ZNF638: variants seen among roughly 807,000 people sequenced by gnomAD.
ZNF638 encodes CTCL tumor antigen se33-1.
A neutral mutation model predicts 195.6 loss-of-function variants in ZNF638; 46 were observed. The observed-to-expected ratio is 0.24, with a 90% CI of 0.19 to 0.30. The LOEUF (loss-of-function observed/expected upper bound fraction) is 0.30, where lower values mean the gene tolerates loss of function less well. ZNF638 is among the 10% of genes least tolerant of loss of function. The probability of loss-of-function intolerance (pLI) is 1.00; values close to 1 mark genes in which losing one functional copy is unlikely to be tolerated. For synonymous variants in ZNF638, 845 were observed against 772.0 expected, an observed-to-expected ratio of 1.09 and a Z score of -1.57; for missense variants, 2,440 against 2,325.3, an observed-to-expected ratio of 1.05 and a Z score of -1.01.
chr2:71,373,400 C>T (rs923175106), intron 8 of ZNF638, among the ~76,000 whole-genome samples: 4 of 125,950 alleles, frequency 3.2e-5, no homozygotes, highest in Non-Finnish European at 6.7e-5. Context: ...TTCTTACAGT[C>T]TGTTGCTTGT....
chr2:71,364,093 A>T lies in ZNF638; in HGVS notation c.1558A>T (p.Ser520Cys), dbSNP rs1573052548. Reference protein sequence around the residue: ...SPMHYMYRPRSRSPRICHRFI... With the variant: ...SPMHYMYRPRCRSPRICHRFI... ...AATGCATTACATGTATAGGCCGAGA[A>T]GTCGAAGTCCAAGAATTTGCCATCG... Residue 520 changes from serine (S) to cysteine (C), a missense_variant, in exon 5 of 28, where the codon AGT (serine) becomes TGT (cysteine). Ser to Cys is a moderately radical substitution (Grantham distance 112). Coordinates refer to ENST00000264447, the MANE Select transcript of ZNF638 (RefSeq NM_014497.5). 6 of 1,614,210 alleles carry T rather than the reference A, an allele frequency of 3.7e-6. No individual in the cohort carries two copies. The East Asian group carries it at 8.9e-5, about 24-fold the overall frequency.
intron 10 of ZNF638, chr2:71,393,286 CAT>C: frequency 1.6e-6 from 1 of 625,166 alleles, no homozygotes; most frequent in East Asian, 2.8e-5. Context: ...CCTCTCAAGA[CAT>C]AAAACCCGCA....
Position 71,422,869 on chromosome 2 carries a change from A to G in ZNF638, c.3355A>G (p.Ser1119Gly), listed in dbSNP as rs1446046620. 4 of 1,614,070 alleles carry G rather than the reference A, an allele frequency of 2.5e-6. No homozygotes were observed. In the Admixed American group the frequency reaches 6.7e-5, roughly 27 times the overall value. The change falls in exon 22 of 28, where the codon AGT (serine) becomes GGT (glycine). Residue 1119 changes from serine (S) to glycine (G), a missense_variant. By Grantham distance (56) the Ser-to-Gly change is moderately conservative (BLOSUM62 0). This residue lies in a region of ZNF638 where 1,883 missense variants were observed against 1,739.1 expected (regional missense o/e 1.08). Coordinates refer to ENST00000264447, the MANE Select transcript of ZNF638 (RefSeq NM_014497.5). ...DESEVQTATD[S>G]PSVKPNELEE... ...AAGTGAGGTGCAAACAGCAACTGAT[A>G]GTCCCTCTGTTAAACCTAATGAGCT...
At chr2:71,359,405 G>A (rs72911405) in intron 3 of ZNF638, among the ~76,000 whole-genome samples, 1,984 of 152,308 alleles carry the variant, frequency 0.013, 43 homozygotes, top group African/African-American at 0.046. Flanking sequence ...CCCGCTCTGA[G>A]GGAAGGAGGG....
At chr2:71,353,246 T>C (rs2104203654) in intron 2 of ZNF638, among the ~76,000 whole-genome samples, 1 of 152,362 alleles carries the variant, frequency 6.6e-6, no homozygotes, top group East Asian at 1.9e-4. Flanking sequence ...TGAAATGTAT[T>C]TGCTTGTTAA....
intron 10 of ZNF638, among the ~76,000 whole-genome samples, chr2:71,394,083 G>A (rs115312232): frequency 6.6e-6 from 1 of 152,156 alleles, no homozygotes; most frequent in Non-Finnish European, 1.5e-5. Flanking sequence ...TTCCACTTTG[G>A]TTGGGAGGTC....
At position 71,434,900 on chromosome 2, in the gene ZNF638, G is replaced by T; in HGVS notation, c.*93G>T. ...CATTTAATTTGTAATTTTCGTTTCA[G>T]AAGCAAATATTCGTGTTGTACAAAT... On this transcript the variant is annotated 3_prime_UTR_variant, in exon 28 of 28. Transcript: ENST00000264447. The T allele has an allele frequency of 3.5e-6, 4 of 1,135,546 alleles. No individual in the cohort carries two copies. The highest frequency in any genetic ancestry group is 5.0e-6 in the Non-Finnish European group (4 of 800,840). 70.3% of individuals were successfully genotyped at this position (1,135,546 alleles called of 1,614,324 possible).
chr2:71,390,632 G>A (rs559036170), intron 10 of ZNF638, among the ~76,000 whole-genome samples: 6 of 152,258 alleles, frequency 3.9e-5, no homozygotes, highest in East Asian at 3.9e-4. Flanking sequence ...CACGGGAGCC[G>A]TAGGAGTGTA....
chr2:71,389,758 A>G (rs981331405), intron 10 of ZNF638, among the ~76,000 whole-genome samples: 1 of 152,172 alleles, frequency 6.6e-6, no homozygotes, highest in Non-Finnish European at 1.5e-5. Flanking sequence ...CATTTTTTGA[A>G]TTTATCAATC....
At position 71,408,922 on chromosome 2, in the gene ZNF638, T is replaced by C. The variant is rs917040302; in HGVS notation, c.3261+675T>C. 1.7e-5 allele frequency: 3 copies of C among 177,582 alleles called. 1 individual carries two copies. Among genetic ancestry groups the C allele is most frequent in the African/African-American group, 7.2e-5 (3 of 41,696 alleles). 11.0% of individuals were successfully genotyped at this position (177,582 alleles called of 1,614,324 possible). ...AAATGTATTATGATAGGTACCAGTT[T>C]AAGCACAAATGAGTGGCTCATTTCA... On this transcript the variant is annotated intron_variant, in intron 20 of 27. Coordinates refer to ENST00000264447, the MANE Select transcript of ZNF638 (RefSeq NM_014497.5).
At position 71,418,662 on chromosome 2, in the gene ZNF638, A is replaced by C. The variant is rs200584400; in HGVS notation, c.3299+23A>C. Reference sequence around the variant, plus strand: ...AAGGTATGTTGCTTTATGTTTACTAACACTTTTGTATAGTATTTAGTTTCT... The same window carrying C: ...AAGGTATGTTGCTTTATGTTTACTACCACTTTTGTATAGTATTTAGTTTCT... On this transcript the variant is annotated intron_variant, in intron 21 of 27. Transcript: ENST00000264447. The C allele has an allele frequency of 1.5e-3, 2,294 of 1,522,154 alleles. 6 individuals are homozygous for C. The highest frequency in any genetic ancestry group is 1.8e-3 in the Non-Finnish European group (1,968 of 1,123,708). The allele number at this position is 1,522,154 out of a possible 1,614,324, so 94.3% of individuals were successfully genotyped here. A position where few individuals can be genotyped will look rare whatever the true frequency, so the allele number is the denominator to read the frequency against.
Position 71,426,550 on chromosome 2 carries a change from C to T in ZNF638, c.4681C>T (p.Leu1561=), listed in dbSNP as rs139978695. 1.2e-6 allele frequency: 2 copies of T among 1,613,782 alleles called. No homozygotes were observed. Among genetic ancestry groups the T allele is most frequent in the Non-Finnish European group, 8.5e-7 (1 of 1,179,986 alleles). ...TCCTTCTCAGGCCAAGCAGAATCCA[C>T]TAAAGGGAAAAAGGAAAGAAACTCT... The part of the protein sequence containing the change: ...VNPSQAKQNP[L]KGKRKETLKN... The change falls in exon 24 of 28, where the codon CTA becomes TTA. Residue 1561 remains leucine (L), a synonymous_variant. Transcript: ENST00000264447.
intron 2 of ZNF638, among the ~76,000 whole-genome samples, chr2:71,353,750 C>A (rs776697985): frequency 1.3e-5 from 2 of 151,996 alleles, no homozygotes; most frequent in South Asian, 2.1e-4. Context: ...TCTGGACTTG[C>A]GGGTAAAAAT....
chr2:71,410,901 T>G (rs2080201145), intron 20 of ZNF638, among the ~76,000 whole-genome samples: 1 of 150,364 alleles, frequency 6.7e-6, no homozygotes, highest in Non-Finnish European at 1.5e-5. Flanking sequence ...GCTAGTCCAG[T>G]GAGTAAGGTT....
rs773504229 is a variant in ZNF638, at chr2:71,418,614, C to T, written c.3274C>T (p.His1092Tyr). 7.1e-6 allele frequency: 11 copies of T among 1,554,966 alleles called. No individual in the cohort carries two copies. In the African/African-American group the frequency reaches 8.3e-5, roughly 12 times the overall value. Residue 1092 changes from histidine to tyrosine, a missense_variant, in exon 21 of 28, where the codon CAT becomes TAT. By Grantham distance (83) the His-to-Tyr change is moderately conservative (BLOSUM62 2). Coordinates refer to ENST00000264447, the MANE Select transcript of ZNF638 (RefSeq NM_014497.5). ...GATTATATTACAGGTGCAAATTGAG[C>T]ATGACCCAGAATTAGAAAAAGAAAG... ...KIDLPEVQIE[H>Y]DPELEKESPG... is the part of the protein sequence containing the mutation.
intron 8 of ZNF638, among the ~76,000 whole-genome samples, chr2:71,374,294 T>G (rs1360375688): frequency 6.6e-6 from 1 of 152,246 alleles, no homozygotes; most frequent in Non-Finnish European, 1.5e-5. Flanking sequence ...CCTTGTTGAT[T>G]TGAAAAGCTT....
intron 26 of ZNF638, 120 bp downstream of exon 26, chr2:71,431,548 A>C (rs2152609596): frequency 1.4e-6 from 1 of 740,022 alleles, no homozygotes; most frequent in East Asian, 3.1e-5. Flanking sequence ...TCACTAGGTC[A>C]GGAGATTGAG....
chr2:71,365,524 T>C lies in ZNF638; in HGVS notation c.1813T>C (p.Ser605Pro). The C allele has an allele frequency of 6.2e-7, 1 of 1,614,058 alleles. No individual in the cohort carries two copies. The highest frequency in any genetic ancestry group is 8.5e-7 in the Non-Finnish European group (1 of 1,179,998). Residue 605 changes from serine (S) to proline (P), a missense_variant, in exon 6 of 28, where the codon TCA (serine) becomes CCA (proline). This residue lies in a region of ZNF638 where 1,883 missense variants were observed against 1,739.1 expected (regional missense o/e 1.08). Coordinates refer to ENST00000264447, the MANE Select transcript of ZNF638 (RefSeq NM_014497.5). The stretch of plus-strand genomic sequence containing the variant: ...TCTTGAAGCTGCTGATAAGGGACAT[T>C]CACCAGCACAAAAGCCTAAAACTAG... ...KHLEAADKGHSPAQKPKTSSG... is the reference protein window; with the variant it reads ...KHLEAADKGHPPAQKPKTSSG...
At chr2:71,348,656 C>CATGGCTTT in intron 1 of ZNF638, 97 bp from the exon 2 acceptor site, 2 of 1,305,542 alleles carry the variant, frequency 1.5e-6, no homozygotes, top group Non-Finnish European at 2.0e-6. Context: ...AGAATGGTTT[C>CATGGCTTT]ATGGCTTTAT....
Sources: allele counts gnomAD v4.1 joint callset (sites outside exome capture counted in the v4.1 genomes callset), GRCh38; gene constraint gnomAD v4.1.1; regional missense constraint gnomAD v4.1.1; transcripts MANE v1.5; gene names NCBI Gene and HGNC (gene_info 2026-07-23, HGNC 2026-07-21).